The following TMEM87A variants were observed in gnomAD, a reference collection of about 807,000 sequenced individuals.
TMEM87A encodes the protein transmembrane protein 87A.
TMEM87A carries 50 observed loss-of-function variants against 90.0 expected under a neutral mutation model. The ratio of observed to expected loss-of-function variants is 0.56; its 90% CI spans 0.44 to 0.70. The LOEUF is 0.70. TMEM87A is among the 30% of genes least tolerant of loss of function. The pLI is 0.00. For missense variants in TMEM87A, 577 were observed against 660.5 expected (o/e 0.87, Z 1.39); for synonymous variants, 226 against 226.7 (o/e 1.00, Z 0.03).
rs757081259 is a variant in TMEM87A at position 42,246,517 on chromosome 15, C to T, written c.505-2350G>A. 7.2e-5 allele frequency among the ~76,000 whole-genome samples: 11 copies of T among 152,228 alleles called. No homozygotes were observed. The East Asian group carries it at 2.1e-3, about 29-fold the overall frequency. On this transcript the variant is annotated intron_variant, in intron 6 of 19. Coordinates refer to ENST00000389834, the MANE Select transcript of TMEM87A (RefSeq NM_015497.5). ...GTGTCCAAGTGTTCTCATTGTTCAA[C>T]TCCCACCTATGAGTGAGAACATGCA...
At chr15:42,220,948 T>C (rs2050468974) in intron 15 of TMEM87A, among the ~76,000 whole-genome samples, 1 of 151,900 alleles carries the variant, frequency 6.6e-6, no homozygotes, top group African/African-American at 2.4e-5. Context: ...CCCGCCACGA[T>C]GCCTGGCCAA....
chr15:42,273,392 C>CCGCCATCTTCACAGCCGT lies in TMEM87A; in HGVS notation c.-12_6dup (p.Ala2_Ala3insThrAlaValLysMetAla). 2 of 1,614,096 alleles carry CCGCCATCTTCACAGCCGT rather than the reference C, an allele frequency of 1.2e-6. No homozygotes were observed. Among genetic ancestry groups the CCGCCATCTTCACAGCCGT allele is most frequent in the Non-Finnish European group, 1.7e-6 (2 of 1,180,034 alleles). On this transcript the variant is annotated inframe_insertion, in exon 1 of 20. Transcript: ENST00000389834. Reference sequence around the variant, plus strand: ...GGCAACACCTGAAGCCACGCAGCCGCCGCCATCTTCACAGCCGTGGAGTGC... The same window carrying CCGCCATCTTCACAGCCGT: ...GGCAACACCTGAAGCCACGCAGCCGCCGCCATCTTCACAGCCGTCGCCATCTTCACAGCCGTGGAGTGC...
chr15:42,223,270 G>A (rs566440265), intron 15 of TMEM87A, among the ~76,000 whole-genome samples: 17 of 152,264 alleles, frequency 1.1e-4, no homozygotes, highest in Admixed American at 8.5e-4. Flanking sequence ...GTGCACACCG[G>A]TGGTCCCAGC....
chr15:42,247,077 G>C (rs1002732839), intron 6 of TMEM87A, among the ~76,000 whole-genome samples: 19 of 152,096 alleles, frequency 1.2e-4, no homozygotes, highest in African/African-American at 4.6e-4. Context: ...GTGTCTGTTG[G>C]CTGCATAAAC....
intron 6 of TMEM87A, among the ~76,000 whole-genome samples, chr15:42,259,983 T>A (rs1432131623): frequency 1.4e-5 from 2 of 140,216 alleles, no homozygotes; most frequent in Non-Finnish European, 3.1e-5. Flanking sequence ...AGTATGGGGC[T>A]ACTTTTGGGG....
intron 18 of TMEM87A, 183 bp from the exon 19 acceptor site, chr15:42,218,016 A>AG: frequency 1.6e-6 from 1 of 638,602 alleles, no homozygotes; most frequent in African/African-American, 2.6e-5. Context: ...AATTGTATAG[A>AG]AAAAAAACGT....
chr15:42,243,137 G>A (rs12437600), intron 7 of TMEM87A, among the ~76,000 whole-genome samples: 10,119 of 151,954 alleles, frequency 0.067, 735 homozygotes, highest in Admixed American at 0.17. Flanking sequence ...GTGTGGTGGC[G>A]GGCGCCTGTA....
intron 2 of TMEM87A, among the ~76,000 whole-genome samples, chr15:42,269,264 T>C (rs1037753837): frequency 2.0e-5 from 3 of 152,164 alleles, no homozygotes; most frequent in African/African-American, 4.8e-5. Flanking sequence ...ATAAATGTAA[T>C]AATAAACATG....
chr15:42,265,954 C>A (rs2051394406), intron 3 of TMEM87A, among the ~76,000 whole-genome samples: 1 of 152,172 alleles, frequency 6.6e-6, no homozygotes, highest in Non-Finnish European at 1.5e-5. Context: ...GCAACACTAT[C>A]TACTAAATAG....
In TMEM87A at chr15:42,231,215, G is replaced by C; in HGVS notation, c.1108C>G (p.Leu370Val). 1.9e-6 allele frequency: 3 copies of C among 1,596,388 alleles called. No individual in the cohort carries two copies. Among genetic ancestry groups the C allele is most frequent in the Non-Finnish European group, 2.6e-6 (3 of 1,172,992 alleles). The change falls in exon 12 of 20, where the codon CTA becomes GTA. Residue 370 changes from leucine to valine, a missense_variant. Leu to Val is a conservative substitution (Grantham distance 32). Transcript: ENST00000389834. The stretch of plus-strand genomic sequence containing the variant: ...ATCCACCAGCACAAGGCAGTGTCTA[G>C]GAAAGCCAAGGGGATAAAGGCCAAG... Reference protein sequence around the residue: ...ASLAFIPLAFLDTALCWWIFI... With the variant: ...ASLAFIPLAFVDTALCWWIFI...
At chr15:42,214,366 C>G (rs2050346104) in intron 19 of TMEM87A, among the ~76,000 whole-genome samples, 1 of 151,574 alleles carries the variant, frequency 6.6e-6, no homozygotes, top group South Asian at 2.1e-4. Flanking sequence ...ATGCCAAAGC[C>G]AAAGACATGA....
chr15:42,273,570 G>T, upstream of TMEM87A: 2 of 1,199,806 alleles, frequency 1.7e-6, no homozygotes, highest in Non-Finnish European at 2.3e-6. Flanking sequence ...TGCGCCGTGA[G>T]ACTTTGGACC....
intron 2 of TMEM87A, among the ~76,000 whole-genome samples, chr15:42,268,742 A>C (rs2051455048): frequency 6.6e-6 from 1 of 152,240 alleles, no homozygotes; most frequent in Non-Finnish European, 1.5e-5. Flanking sequence ...TGTTAGGCTA[A>C]AGAGGGAAAC....
At chr15:42,250,291 G>T (rs2051060003) in intron 6 of TMEM87A, among the ~76,000 whole-genome samples, 1 of 152,210 alleles carries the variant, frequency 6.6e-6, no homozygotes, top group Non-Finnish European at 1.5e-5. Flanking sequence ...TGTTATGTGT[G>T]AATTTGATCC....
rs1219245018 is a variant in TMEM87A, at chr15:42,242,066, C to CAAAAAAAAAAAG, written c.622+1972_622+1983dup. ...TGGGTGACAGAGTGAGACTCTATCT[C>CAAAAAAAAAAAG]AAAAAAAAAAAGAAAAAAAAAAAGA... On this transcript the variant is annotated intron_variant, in intron 7 of 19. Transcript: ENST00000389834. Among the ~76,000 whole-genome samples, 122 of 57,858 alleles carry CAAAAAAAAAAAG rather than the reference C, an allele frequency of 2.1e-3. 3 individuals carry two copies. Among genetic ancestry groups the CAAAAAAAAAAAG allele is most frequent in the African/African-American group, 7.3e-3 (109 of 14,980 alleles). The allele number at this position is 57,858 out of a possible 152,430, so 38.0% of individuals were successfully genotyped here.
chr15:42,213,752 CT>C (rs2050333956), intron 19 of TMEM87A, among the ~76,000 whole-genome samples: 2 of 152,256 alleles, frequency 1.3e-5, no homozygotes, highest in South Asian at 4.1e-4. Context: ...GGGTGTTCTC[CT>C]GTACAATGCC....
intron 19 of TMEM87A, 119 bp downstream of exon 19, chr15:42,217,684 A>C: frequency 1.1e-6 from 1 of 884,848 alleles, no homozygotes; most frequent in Non-Finnish European, 1.8e-6. Context: ...TCAACTATAT[A>C]AACTATAGTT....
At chr15:42,252,098 TG>T (rs2051097831) in intron 6 of TMEM87A, among the ~76,000 whole-genome samples, 1 of 152,218 alleles carries the variant, frequency 6.6e-6, no homozygotes, top group African/African-American at 2.4e-5. Context: ...CTAAGACTGT[TG>T]GAAAAATGCA....
intron 3 of TMEM87A, among the ~76,000 whole-genome samples, chr15:42,265,078 C>T (rs1038614588): frequency 1.3e-5 from 2 of 152,004 alleles, no homozygotes; most frequent in African/African-American, 4.8e-5. Context: ...TTTTTATGGC[C>T]GCATATGTAC....
Sources: allele counts gnomAD v4.1 joint callset (sites outside exome capture counted in the v4.1 genomes callset), GRCh38; gene constraint gnomAD v4.1.1; transcripts MANE v1.5; gene names NCBI Gene and HGNC (gene_info 2026-07-23, HGNC 2026-07-21).